The following KITLG variants were observed in gnomAD, a reference collection of about 807,000 sequenced individuals.
KITLG encodes KIT ligand, also known as c-Kit ligand.
In KITLG, 13 loss-of-function variants were observed where a neutral mutation model predicts 34.1. That is an observed-to-expected ratio of 0.38 (90% CI 0.25 to 0.61). KITLG has a LOEUF of 0.61. Among genes scored for constraint, KITLG ranks in the 20% least tolerant of loss-of-function variants. KITLG has a pLI of 0.60. For synonymous variants in KITLG, 110 were observed against 104.0 expected (o/e 1.06, Z -0.35); for missense variants, 292 against 318.9 (o/e 0.92, Z 0.64).
intron 3 of KITLG, among the ~76,000 whole-genome samples, chr12:88,524,720 G>A (rs558839331): frequency 1.2e-4 from 19 of 152,072 alleles, no homozygotes; most frequent in East Asian, 1.9e-4. Context: ...TTAGGAAGAC[G>A]GGCCCCTGTG....
chr12:88,542,073 T>C (rs369122351), intron 2 of KITLG, among the ~76,000 whole-genome samples: 1 of 152,086 alleles, frequency 6.6e-6, no homozygotes, highest in East Asian at 1.9e-4. Flanking sequence ...ATTCCTCTCA[T>C]CCTATATAAC....
intron 9 of KITLG, among the ~76,000 whole-genome samples, chr12:88,501,949 T>C (rs1868877019): frequency 6.6e-6 from 1 of 152,144 alleles, no homozygotes; most frequent in South Asian, 2.1e-4. Context: ...TAAGAGTTTA[T>C]GGTTTTGAAA....
intron 1 of KITLG, among the ~76,000 whole-genome samples, chr12:88,558,323 G>A (rs1357621581): frequency 1.3e-5 from 2 of 150,752 alleles, no homozygotes; most frequent in South Asian, 2.1e-4. Flanking sequence ...CACCCCTCAC[G>A]ACCCGCCACC....
intron 1 of KITLG, among the ~76,000 whole-genome samples, chr12:88,563,806 C>T (rs569688326): frequency 5.9e-5 from 9 of 152,018 alleles, no homozygotes; most frequent in Non-Finnish European, 1.3e-4. Context: ...ACTAAAAATA[C>T]AAAAAATTAG....
At chr12:88,559,949 A>G in intron 1 of KITLG, among the ~76,000 whole-genome samples, 1 of 152,234 alleles carries the variant, frequency 6.6e-6, no homozygotes, top group East Asian at 1.9e-4. Flanking sequence ...TCTTCTGATA[A>G]CAATATATGT....
intron 1 of KITLG, among the ~76,000 whole-genome samples, chr12:88,569,870 T>C (rs1297707134): frequency 2.0e-5 from 3 of 152,190 alleles, no homozygotes; most frequent in African/African-American, 7.2e-5. Flanking sequence ...AATCTTGCGA[T>C]ATTAATGCAG....
chr12:88,524,598 T>A lies in KITLG; in HGVS notation c.193-5731A>T, dbSNP rs1271627365. ...TTCAGCTGCTCGTTTTTATTTATTT[T>A]TTTTTTAGTGTTGCTACCAGACAAT... is the stretch of plus-strand genomic sequence containing the variant. On this transcript the variant is annotated intron_variant, in intron 3 of 9. Coordinates refer to ENST00000644744, the MANE Select transcript of KITLG (RefSeq NM_000899.5). 5.3e-5 allele frequency among the ~76,000 whole-genome samples: 8 copies of A among 152,286 alleles called. No individual in the cohort carries two copies. The East Asian group carries it at 9.6e-4, about 18-fold the overall frequency.
intron 1 of KITLG, among the ~76,000 whole-genome samples, chr12:88,562,145 T>C (rs1788888555): frequency 6.6e-6 from 1 of 152,344 alleles, no homozygotes. Context: ...TCCTTTCTCA[T>C]AGTACATAAT....
chr12:88,541,660 G>A (rs1001645500), intron 2 of KITLG, among the ~76,000 whole-genome samples: 1 of 152,128 alleles, frequency 6.6e-6, no homozygotes, highest in Non-Finnish European at 1.5e-5. Flanking sequence ...GTAAGTCTGA[G>A]TTTGCCATTT....
intron 6 of KITLG, among the ~76,000 whole-genome samples, chr12:88,513,996 G>A (rs1372260069): frequency 6.6e-6 from 1 of 151,528 alleles, no homozygotes; most frequent in Non-Finnish European, 1.5e-5. Flanking sequence ...TATAGAGTAT[G>A]TTTTCTGACA....
At chr12:88,524,549 T>C (rs996398992) in intron 3 of KITLG, among the ~76,000 whole-genome samples, 1 of 152,148 alleles carries the variant, frequency 6.6e-6, no homozygotes, top group African/African-American at 2.4e-5. Flanking sequence ...TACATGGGGC[T>C]AAATAAATTT....
chr12:88,526,863 CTTTTTT>C (rs10532642), intron 3 of KITLG, among the ~76,000 whole-genome samples: 31 of 79,984 alleles, frequency 3.9e-4, no homozygotes, highest in Non-Finnish European at 5.1e-4. Flanking sequence ...TCAGTATAGT[CTTTTTT>C]TTTTTTTTTT....
Position 88,494,134 on chromosome 12 carries a change from G to T in KITLG, c.*3085C>A, listed in dbSNP as rs567236989. Reference sequence around the variant, plus strand: ...AAAAATTGAGACCCAAAGAAGAGAGGTGATTTACCATATCAGTTAATGACA... The same window carrying T: ...AAAAATTGAGACCCAAAGAAGAGAGTTGATTTACCATATCAGTTAATGACA... On this transcript the variant is annotated 3_prime_UTR_variant, in exon 10 of 10. Coordinates refer to ENST00000644744, the MANE Select transcript of KITLG (RefSeq NM_000899.5). The T allele has an allele frequency of 2.0e-4, 30 of 151,954 alleles. 1 individual carries two copies. The highest frequency in any genetic ancestry group is 7.0e-4 in the African/African-American group (29 of 41,514). The allele number at this position is 151,954 out of a possible 1,614,324, so 9.4% of individuals were successfully genotyped here.
intron 4 of KITLG, among the ~76,000 whole-genome samples, chr12:88,516,876 C>A (rs955378234): frequency 2.0e-5 from 3 of 149,822 alleles, no homozygotes; most frequent in African/African-American, 7.3e-5. Context: ...AATGCATGCT[C>A]TAATATCCAA....
intron 1 of KITLG, among the ~76,000 whole-genome samples, chr12:88,552,002 G>A (rs571421701): frequency 6.6e-6 from 1 of 152,040 alleles, no homozygotes; most frequent in Non-Finnish European, 1.5e-5. Context: ...GTCCTTGCTG[G>A]CATTGAAAAT....
intron 3 of KITLG, among the ~76,000 whole-genome samples, chr12:88,521,347 G>A: frequency 6.6e-6 from 1 of 152,176 alleles, no homozygotes; most frequent in Middle Eastern, 3.4e-3. Flanking sequence ...TTTGCAAGGA[G>A]AATAAAACAC....
intron 6 of KITLG, among the ~76,000 whole-genome samples, chr12:88,512,531 G>T (rs752693205): frequency 6.6e-6 from 1 of 151,862 alleles, no homozygotes. Flanking sequence ...CAAATATATA[G>T]ATCCAAAAGC....
chr12:88,526,980 T>C (rs1005755809), intron 3 of KITLG, among the ~76,000 whole-genome samples: 4 of 150,630 alleles, frequency 2.7e-5, no homozygotes, highest in Non-Finnish European at 5.9e-5. Context: ...GCCATTCTCC[T>C]GTCTCAGCCT....
intron 1 of KITLG, among the ~76,000 whole-genome samples, chr12:88,564,867 C>T (rs1017927906): frequency 6.6e-6 from 1 of 152,112 alleles, no homozygotes; most frequent in African/African-American, 2.4e-5. Flanking sequence ...CATGCAATAT[C>T]TGTAACATTA....
Sources: gnomAD v4.1 joint callset for allele counts (sites outside exome capture counted in the v4.1 genomes callset) on GRCh38, gnomAD v4.1.1 for gene constraint, MANE v1.5 for transcripts, NCBI Gene and HGNC (gene_info 2026-07-23, HGNC 2026-07-21) for gene names.